Variants in DLG2 observed in about 807,000 individuals in gnomAD.
DLG2 encodes the protein discs large MAGUK scaffold protein 2.
DLG2 carries 45 observed loss-of-function variants against 132.5 expected under a neutral mutation model. That is an observed-to-expected ratio of 0.34 (90% CI 0.27 to 0.44). The LOEUF is 0.44. Ranked by LOEUF, DLG2 falls within the 20% of genes least tolerant of loss-of-function variation. The pLI, the probability that DLG2 is intolerant of heterozygous loss-of-function variation, is 1.00. For synonymous variants in DLG2, 424 were observed against 419.6 expected (o/e 1.01, Z -0.13); for missense variants, 1,045 against 1,196.9 (o/e 0.87, Z 1.87).
intron 6 of DLG2, among the ~76,000 whole-genome samples, chr11:84,559,849 A>G (rs1159940352): frequency 6.6e-6 from 1 of 152,170 alleles, no homozygotes; most frequent in Non-Finnish European, 1.5e-5. Context: ...TTTTAAATTG[A>G]TTAAATCAAT....
intron 7 of DLG2, among the ~76,000 whole-genome samples, chr11:84,446,853 T>G (rs2099036617): frequency 6.6e-6 from 1 of 152,146 alleles, no homozygotes; most frequent in South Asian, 2.1e-4. Flanking sequence ...AATGCCTTTA[T>G]TGAGTCCCAT....
In DLG2 at chr11:83,894,875, T is replaced by C. The variant is rs907071587; in HGVS notation, c.1497-20387A>G. 4.6e-5 allele frequency among the ~76,000 whole-genome samples: 7 copies of C among 152,286 alleles called. No individual in the cohort carries two copies. The East Asian group carries it at 7.7e-4, about 17-fold the overall frequency. Reference sequence around the variant, plus strand: ...GATCCACCGTTTTAGCTCCCACTTATGAGTGAAAACATACAATACTTGCCT... The same window carrying C: ...GATCCACCGTTTTAGCTCCCACTTACGAGTGAAAACATACAATACTTGCCT... On this transcript the variant is annotated intron_variant, in intron 15 of 27. Coordinates refer to ENST00000376104, the MANE Select transcript of DLG2 (RefSeq NM_001142699.3).
intron 6 of DLG2, chr11:84,923,177 A>C (rs572788838): frequency 3.2e-5 from 51 of 1,611,122 alleles, no homozygotes; most frequent in Middle Eastern, 1.8e-4. Context: ...CGCAAGCCCC[A>C]CACACACGAT....
intron 9 of DLG2, among the ~76,000 whole-genome samples, chr11:84,109,377 G>A (rs954353089): frequency 2.0e-5 from 3 of 152,140 alleles, no homozygotes; most frequent in African/African-American, 4.8e-5. Context: ...AGTAAGGAGC[G>A]ATATGACAAA....
At chr11:85,400,791 G>A (rs1198325259) in intron 3 of DLG2, among the ~76,000 whole-genome samples, 3 of 151,722 alleles carry the variant, frequency 2.0e-5, no homozygotes, top group Non-Finnish European at 4.4e-5. Flanking sequence ...GTGGGGTGGG[G>A]GGAGAGGGGA....
intron 3 of DLG2, among the ~76,000 whole-genome samples, chr11:85,472,373 C>T (rs2153077775): frequency 6.6e-6 from 1 of 152,300 alleles, no homozygotes; most frequent in East Asian, 1.9e-4. Context: ...GTGATCTCAG[C>T]TCACTGCAAT....
At chr11:85,531,622 G>C (rs959897163) in intron 3 of DLG2, among the ~76,000 whole-genome samples, 1 of 152,176 alleles carries the variant, frequency 6.6e-6, no homozygotes, top group Non-Finnish European at 1.5e-5. Context: ...GCTAGTGGGA[G>C]GAAGAGACCA....
At chr11:84,606,754 C>G (rs766781380) in intron 6 of DLG2, among the ~76,000 whole-genome samples, 1 of 151,922 alleles carries the variant, frequency 6.6e-6, no homozygotes, top group Non-Finnish European at 1.5e-5. Context: ...TATGTTCTTG[C>G]TACAGAAACA....
At chr11:84,611,022 CAT>C (rs1267154355) in intron 6 of DLG2, among the ~76,000 whole-genome samples, 3 of 110,748 alleles carry the variant, frequency 2.7e-5, no homozygotes, top group Admixed American at 1.1e-4. Context: ...TGTTAGATGA[CAT>C]ACACACACAC....
intron 3 of DLG2, among the ~76,000 whole-genome samples, chr11:85,484,665 C>A (rs991510807): frequency 1.3e-5 from 2 of 152,034 alleles, no homozygotes; most frequent in Non-Finnish European, 2.9e-5. Context: ...CCACCTCACG[C>A]CAGTTAGAAT....
intron 9 of DLG2, among the ~76,000 whole-genome samples, chr11:84,134,819 A>G (rs886952685): frequency 6.6e-6 from 1 of 151,880 alleles, no homozygotes; most frequent in Non-Finnish European, 1.5e-5. Flanking sequence ...TACAACGGAA[A>G]CACCTGCTAA....
rs542124991 is a variant in DLG2, at chr11:83,550,758, G to C, written c.1941-8900C>G. 2.0e-5 allele frequency among the ~76,000 whole-genome samples: 3 copies of C among 152,288 alleles called. 1 individual carries two copies. In the South Asian group the frequency reaches 6.2e-4, roughly 32 times the overall value. ...ACACTTTCAAGAGCTCTTATGTTCTGGGTCTGTGTATAAGGCAATTGAGAT... is the reference window on the plus strand; with the variant it reads ...ACACTTTCAAGAGCTCTTATGTTCTCGGTCTGTGTATAAGGCAATTGAGAT... On this transcript the variant is annotated intron_variant, in intron 19 of 27. Transcript: ENST00000376104.
chr11:84,283,399 T>C (rs996024119), intron 7 of DLG2, among the ~76,000 whole-genome samples: 20 of 152,300 alleles, frequency 1.3e-4, no homozygotes, highest in Admixed American at 9.8e-4. Flanking sequence ...TTAAATGAGT[T>C]AATATTGATA....
intron 3 of DLG2, among the ~76,000 whole-genome samples, chr11:85,315,415 A>G (rs962906880): frequency 2.6e-5 from 4 of 151,972 alleles, no homozygotes; most frequent in African/African-American, 9.7e-5. Context: ...TAGTTCTGAT[A>G]TGGTATCATA....
intron 7 of DLG2, among the ~76,000 whole-genome samples, chr11:84,479,320 G>T (rs966526218): frequency 1.3e-5 from 2 of 152,078 alleles, no homozygotes; most frequent in African/African-American, 4.8e-5. Context: ...GTCAAGAGAA[G>T]CCAAAATGAG....
intron 6 of DLG2, among the ~76,000 whole-genome samples, chr11:84,586,172 G>A (rs2099529422): frequency 7.2e-6 from 1 of 138,696 alleles, no homozygotes; most frequent in Non-Finnish European, 1.6e-5. Flanking sequence ...AAAAGGGTTT[G>A]TAATTAATTG....
chr11:83,467,773 A>ATATATATATATATATATATG (rs2091337693), intron 25 of DLG2, among the ~76,000 whole-genome samples: 13 of 30,554 alleles, frequency 4.3e-4, no homozygotes, highest in South Asian at 1.1e-3. Flanking sequence ...AACTATATGT[A>ATATATATATATATATATATG]TATATATATA....
At chr11:85,220,398 G>A (rs2074554318) in intron 4 of DLG2, among the ~76,000 whole-genome samples, 1 of 152,032 alleles carries the variant, frequency 6.6e-6, no homozygotes, top group African/African-American at 2.4e-5. Context: ...AGGCCCTAGA[G>A]TAAGAGTGTG....
intron 7 of DLG2, among the ~76,000 whole-genome samples, chr11:84,523,608 T>C (rs2099311139): frequency 6.6e-6 from 1 of 152,200 alleles, no homozygotes; most frequent in South Asian, 2.1e-4. Flanking sequence ...GATGTAGAAG[T>C]TACGTATCAT....
Sources: allele counts gnomAD v4.1 joint callset (sites outside exome capture counted in the v4.1 genomes callset), GRCh38; gene constraint gnomAD v4.1.1; transcripts MANE v1.5; gene names NCBI Gene and HGNC (gene_info 2026-07-23, HGNC 2026-07-21).